Variants in SEC61A1 observed in about 807,000 individuals in gnomAD.
The protein encoded by SEC61A1 is SEC61 translocon subunit alpha 1, also known as protein transport protein Sec61 subunit alpha isoform 1.
Under a neutral mutation model 55.2 loss-of-function variants are expected in SEC61A1, and 15 were observed. That is an observed-to-expected ratio of 0.27 (90% confidence interval 0.18 to 0.42). The LOEUF is 0.42. SEC61A1 is among the 10% of genes least tolerant of loss of function. The probability of loss-of-function intolerance (pLI) is 1.00; values close to 1 mark genes in which losing one functional copy is unlikely to be tolerated. For missense variants in SEC61A1, 284 were observed against 602.6 expected, an observed-to-expected ratio of 0.47 and a Z score of 5.53; for synonymous variants, 247 against 234.0, an observed-to-expected ratio of 1.06 and a Z score of -0.51.
At chr3:128,061,323 T>G (rs546069551) in intron 7 of SEC61A1, among the ~76,000 whole-genome samples, 1 of 152,322 alleles carries the variant, frequency 6.6e-6, no homozygotes, top group South Asian at 2.1e-4. Flanking sequence ...ATCCACCAAG[T>G]GCCGTGGAAA....
At chr3:128,055,371 G>A in intron 2 of SEC61A1, 145 bp from the exon 3 acceptor site, 2 of 693,212 alleles carry the variant, frequency 2.9e-6, no homozygotes, top group South Asian at 3.4e-5. Context: ...ACTTATGTTT[G>A]GTACATGGTT....
chr3:128,067,034 G>C lies in SEC61A1; in HGVS notation c.858G>C (p.Thr286=). The change falls in exon 9 of 12, where the codon ACG becomes ACC. Residue 286 remains threonine (T), a synonymous_variant. Coordinates refer to ENST00000243253, the MANE Select transcript of SEC61A1 (RefSeq NM_013336.4). The surrounding 1 kb of genome is among the most constrained non-coding windows in gnomAD (Gnocchi z 4.1). The part of the protein sequence containing the change: ...YNTYPIKLFY[T]SNIPIILQSA... ...CCTATCCCATCAAGCTCTTCTATAC[G>C]TCCAACATCCCCATCATCCTGCAGT... 6 of 1,614,150 alleles carry C rather than the reference G, an allele frequency of 3.7e-6. No homozygotes were observed. The highest frequency in any genetic ancestry group is 5.1e-6 in the Non-Finnish European group (6 of 1,180,036).
intron 7 of SEC61A1, among the ~76,000 whole-genome samples, chr3:128,061,884 A>G (rs1018553924): frequency 5.9e-5 from 9 of 152,214 alleles, no homozygotes; most frequent in African/African-American, 2.2e-4. Context: ...GTGGCTTAGC[A>G]GCCCAGTAGT....
chr3:128,065,113 A>G, intron 8 of SEC61A1, 76 bp downstream of exon 8: 1 of 1,434,130 alleles, frequency 7.0e-7, no homozygotes, highest in Non-Finnish European at 9.8e-7. Flanking sequence ...GCAGTCCCCC[A>G]CTCTGTGGGG....
upstream of SEC61A1, chr3:128,052,399 C>G (rs1187923411): frequency 1.6e-6 from 2 of 1,212,642 alleles, no homozygotes; most frequent in African/African-American, 1.6e-5. Context: ...CGGCCCCGCC[C>G]CGCGCCGCGC....
intron 6 of SEC61A1, 145 bp downstream of exon 6, chr3:128,060,356 G>T: frequency 9.6e-7 from 1 of 1,044,160 alleles, no homozygotes; most frequent in Non-Finnish European, 1.4e-6. Context: ...TCTGAATTCA[G>T]CAGAGAAAGG....
In SEC61A1 at chr3:128,069,638, C is replaced by T; in HGVS notation, c.1407C>T (p.Gly469=). ...EIFVKEQSEV[G]SMGALLF ...TCGTTAAGGAGCAAAGCGAGGTTGG[C>T]AGCATGGGGGCCCTGCTCTTCTGAG... Residue 469 remains glycine (G), a synonymous_variant, in exon 12 of 12, where the codon GGC becomes GGT. Coordinates refer to ENST00000243253, the MANE Select transcript of SEC61A1 (RefSeq NM_013336.4). The T allele has an allele frequency of 1.9e-6, 3 of 1,614,076 alleles. No individual in the cohort carries two copies. Among genetic ancestry groups the T allele is most frequent in the Non-Finnish European group, 2.5e-6 (3 of 1,179,994 alleles).
At chr3:128,057,516 G>T (rs1941789284) in intron 5 of SEC61A1, among the ~76,000 whole-genome samples, 1 of 152,210 alleles carries the variant, frequency 6.6e-6, no homozygotes, top group Non-Finnish European at 1.5e-5. Context: ...AATAATCACT[G>T]TCACAATGCC....
At chr3:128,065,687 A>G (rs1008880635) in intron 8 of SEC61A1, among the ~76,000 whole-genome samples, 13 of 149,302 alleles carry the variant, frequency 8.7e-5, no homozygotes, top group Admixed American at 5.3e-4. Flanking sequence ...ATAAAAAGCT[A>G]TCTCTTTAGG....
rs760011525 is a variant in SEC61A1 at position 128,069,673 on chromosome 3, C to T, written c.*11C>T. 1.6e-5 allele frequency: 26 copies of T among 1,613,126 alleles called. No homozygotes were observed. The highest frequency in any genetic ancestry group is 1.0e-4 in the Admixed American group (6 of 59,978). ...GCCCTGCTCTTCTGAGCCCGTCTCC[C>T]GGACAGGTTGAGGAAGCTGCTCCAG... is the stretch of plus-strand genomic sequence containing the variant. On this transcript the variant is annotated 3_prime_UTR_variant, in exon 12 of 12. Coordinates refer to ENST00000243253, the MANE Select transcript of SEC61A1 (RefSeq NM_013336.4).
chr3:128,060,732 C>A, intron 7 of SEC61A1, 71 bp downstream of exon 7: 2 of 1,427,208 alleles, frequency 1.4e-6, no homozygotes, highest in East Asian at 2.4e-5. Context: ...AAGCAGAAGA[C>A]AAAAATCCCC....
chr3:128,060,726 A>G lies in SEC61A1; in HGVS notation c.616+65A>G, dbSNP rs1941839427. On this transcript the variant is annotated intron_variant, in intron 7 of 11. Coordinates refer to ENST00000243253, the MANE Select transcript of SEC61A1 (RefSeq NM_013336.4). ...CAAAAACAATTGAGCAATGCAAAGC[A>G]GAAGACAAAAATCCCCCCATTCCAC... The G allele has an allele frequency of 1.7e-5, 26 of 1,486,554 alleles. 1 individual carries two copies. Among genetic ancestry groups the G allele is most frequent in the Non-Finnish European group, 5.5e-6 (6 of 1,095,630 alleles). 92.1% of individuals were successfully genotyped at this position (1,486,554 alleles called of 1,614,324 possible). A position where few individuals can be genotyped will look rare whatever the true frequency, so the allele number is the denominator to read the frequency against.
At chr3:128,051,981 T>C (rs570245347), upstream of SEC61A1, 38 of 1,183,338 alleles carry the variant, frequency 3.2e-5, no homozygotes, top group South Asian at 1.8e-4. Flanking sequence ...GGCGCCGCGG[T>C]AGACGCTGGG....
chr3:128,052,801 C>T (rs377093471), intron 1 of SEC61A1, 34 bp from the exon 2 acceptor site: 362 of 1,593,558 alleles, frequency 2.3e-4, no homozygotes, highest in Non-Finnish European at 3.0e-4. Flanking sequence ...TTCTCTGTGT[C>T]CCAACTCTTC....
In SEC61A1 at chr3:128,067,689, A is replaced by G; in HGVS notation, c.1167+77A>G. On this transcript the variant is annotated intron_variant, in intron 10 of 11. Transcript: ENST00000243253. The surrounding 1 kb of genome is among the most constrained non-coding windows in gnomAD (Gnocchi z 4.1). ...AGGGGTGTGGACTTGTCACCTCATC[A>G]TAAATAATGGTCTGTGACGTGTGCA... is the stretch of plus-strand genomic sequence containing the variant. 4 of 1,174,924 alleles carry G rather than the reference A, an allele frequency of 3.4e-6. No homozygotes were observed. Among genetic ancestry groups the G allele is most frequent in the Non-Finnish European group, 4.9e-6 (4 of 817,740 alleles). The allele number at this position is 1,174,924 out of a possible 1,614,324, so 72.8% of individuals were successfully genotyped here.
rs528577771 is a variant in SEC61A1 at position 128,067,699 on chromosome 3, G to A, written c.1167+87G>A. On this transcript the variant is annotated intron_variant, in intron 10 of 11. Transcript: ENST00000243253. The surrounding 1 kb of genome is among the most constrained non-coding windows in gnomAD (Gnocchi z 4.1). ...ACTTGTCACCTCATCATAAATAATGGTCTGTGACGTGTGCAGATAGATCGT... is the reference window on the plus strand; with the variant it reads ...ACTTGTCACCTCATCATAAATAATGATCTGTGACGTGTGCAGATAGATCGT... The A allele has an allele frequency of 9.0e-7, 1 of 1,106,116 alleles. No individual in the cohort carries two copies. The highest frequency in any genetic ancestry group is 1.6e-5 in the African/African-American group (1 of 64,200). The allele number at this position is 1,106,116 out of a possible 1,614,324, so 68.5% of individuals were successfully genotyped here. A position where few individuals can be genotyped will look rare whatever the true frequency, so the allele number is the denominator to read the frequency against.
chr3:128,060,945 T>C (rs1039229270), intron 7 of SEC61A1, among the ~76,000 whole-genome samples: 1 of 152,258 alleles, frequency 6.6e-6, no homozygotes, highest in Non-Finnish European at 1.5e-5. Flanking sequence ...TAAGCTTATA[T>C]TGCAACGATA....
At chr3:128,058,881 A>G (rs1285397581) in intron 5 of SEC61A1, among the ~76,000 whole-genome samples, 7 of 151,984 alleles carry the variant, frequency 4.6e-5, no homozygotes, top group Admixed American at 4.6e-4. Flanking sequence ...TAAGAAAACA[A>G]AAAAAGTACA....
At chr3:128,059,716 T>C (rs1941826561) in intron 5 of SEC61A1, among the ~76,000 whole-genome samples, 1 of 152,076 alleles carries the variant, frequency 6.6e-6, no homozygotes, top group Non-Finnish European at 1.5e-5. Flanking sequence ...CCCAAGTGCC[T>C]GACATTGAGT....
Sources: allele counts gnomAD v4.1 joint callset (sites outside exome capture counted in the v4.1 genomes callset), GRCh38; gene constraint gnomAD v4.1.1; non-coding constraint Gnocchi (gnomAD v3.1); transcripts MANE v1.5; gene names NCBI Gene and HGNC (gene_info 2026-07-23, HGNC 2026-07-21).